Variants in TG observed in about 807,000 individuals in gnomAD.
TG encodes thyroglobulin, also known as thyroid hormones.
A neutral mutation model predicts 324.7 loss-of-function variants in TG; 270 were observed. That is an observed-to-expected ratio of 0.83 (90% CI 0.75 to 0.92). TG has a LOEUF of 0.92. Among genes scored for constraint, TG ranks in the 40% least tolerant of loss-of-function variants. The probability of loss-of-function intolerance (pLI) is 0.00; values close to 1 mark genes in which losing one functional copy is unlikely to be tolerated. For synonymous variants in TG, 1,401 were observed against 1,327.0 expected, an observed-to-expected ratio of 1.06 and a Z score of -1.21; for missense variants, 3,591 against 3,456.4, an observed-to-expected ratio of 1.04 and a Z score of -0.98.
At chr8:132,898,116 AG>A in intron 12 of TG, 52 bp from the exon 13 acceptor site, 1 of 1,513,654 alleles carries the variant, frequency 6.6e-7, no homozygotes, top group East Asian at 2.4e-5. Context: ...GGGACACTCC[AG>A]GGTAAGTCCC....
At chr8:133,065,321 AG>A (rs1842895469) in intron 41 of TG, among the ~76,000 whole-genome samples, 2 of 152,250 alleles carry the variant, frequency 1.3e-5, no homozygotes, top group African/African-American at 4.8e-5. Flanking sequence ...TTATACTGCT[AG>A]GAAGAGCTAA....
intron 46 of TG, 132 bp downstream of exon 46, chr8:133,132,078 C>T: frequency 7.3e-7 from 1 of 1,371,272 alleles, no homozygotes; most frequent in Non-Finnish European, 1.0e-6. Context: ...TCACCAGCCA[C>T]TGGCCTCCCT....
At chr8:132,904,657 G>C (rs963380511) in intron 16 of TG, among the ~76,000 whole-genome samples, 4 of 152,148 alleles carry the variant, frequency 2.6e-5, no homozygotes, top group African/African-American at 9.7e-5. Context: ...CAGTGTCCTA[G>C]GTGATGTTTG....
At chr8:133,039,852 T>C (rs1837830646) in intron 41 of TG, 3 of 1,372,068 alleles carry the variant, frequency 2.2e-6, no homozygotes, top group Middle Eastern at 2.6e-4. Flanking sequence ...TGGGGGGTGC[T>C]CACCCCCCAG....
intron 45 of TG, among the ~76,000 whole-genome samples, chr8:133,124,974 G>T (rs1426534221): frequency 1.3e-5 from 2 of 152,192 alleles, no homozygotes; most frequent in Non-Finnish European, 2.9e-5. Flanking sequence ...GAATCCATCA[G>T]CCTGGCTACA....
At chr8:133,058,287 G>T (rs547373247) in intron 41 of TG, among the ~76,000 whole-genome samples, 6 of 152,296 alleles carry the variant, frequency 3.9e-5, no homozygotes, top group African/African-American at 1.4e-4. Context: ...TGATGTGGTT[G>T]CCTGGATCAC....
At position 132,908,071 on chromosome 8, in the gene TG, T is replaced by C. The variant is rs907730407; in HGVS notation, c.3848-115T>C. The C allele has an allele frequency of 4.2e-6, 5 of 1,192,512 alleles. No individual in the cohort carries two copies. The African/African-American group carries it at 7.3e-5, about 17-fold the overall frequency. 73.9% of individuals were successfully genotyped at this position (1,192,512 alleles called of 1,614,324 possible). On this transcript the variant is annotated intron_variant, in intron 17 of 47. Transcript: ENST00000220616. ...TCAGAATGACAATGCAAAATGGCAG[T>C]GCTTATGTGTTTTGAGCTCAATGAG...
chr8:132,882,923 A>T lies in TG; in HGVS notation c.999A>T (p.Glu333Asp), dbSNP rs1429634337. 1.9e-6 allele frequency: 3 copies of T among 1,614,206 alleles called. No homozygotes were observed. The highest frequency in any genetic ancestry group is 2.5e-6 in the Non-Finnish European group (3 of 1,180,028). The part of the protein sequence containing the change: ...GDYQAVQCQT[E>D]GPCWCVDAQG... ...ATCAGGCGGTGCAGTGCCAGACGGA[A>T]GGGCCCTGCTGGTGTGTGGACGCCC... The change falls in exon 8 of 48, where the codon GAA becomes GAT. Residue 333 changes from glutamate to aspartate, a missense_variant. Physicochemically the swap from Glu to Asp is conservative, Grantham distance 45. Coordinates refer to ENST00000220616, the MANE Select transcript of TG (RefSeq NM_003235.5).
At chr8:133,017,746 TCCTCA>T in intron 37 of TG, 27 bp from the exon 38 acceptor site, 1 of 1,605,390 alleles carries the variant, frequency 6.2e-7, no homozygotes, top group Non-Finnish European at 8.5e-7. Context: ...CCTCTCCCCT[TCCTCA>T]CCCCTTTCTC....
At chr8:133,030,427 A>G (rs1480673732) in intron 41 of TG, among the ~76,000 whole-genome samples, 1 of 152,146 alleles carries the variant, frequency 6.6e-6, no homozygotes, top group Non-Finnish European at 1.5e-5. Flanking sequence ...GAGGAGGATG[A>G]TGGTGGTAAT....
chr8:133,105,843 G>A (rs896236259), intron 43 of TG, among the ~76,000 whole-genome samples: 2 of 152,206 alleles, frequency 1.3e-5, no homozygotes, highest in Non-Finnish European at 2.9e-5. Flanking sequence ...TGACTGGGAG[G>A]AGGAGATGGA....
rs373751930 is a variant in TG, at chr8:133,131,896, G to A, written c.7947G>A (p.Lys2649=). Residue 2649 remains lysine, a synonymous_variant, in exon 46 of 48, where the codon AAG becomes AAA. Coordinates refer to ENST00000220616, the MANE Select transcript of TG (RefSeq NM_003235.5). Reference sequence around the variant, plus strand: ...AGGGGCAGTTTTCTCTGGAGGAGAAGAGCCTGTCGCTGAAAATCATGCAGT... The same window carrying A: ...AGGGGCAGTTTTCTCTGGAGGAGAAAAGCCTGTCGCTGAAAATCATGCAGT... ...AYEGQFSLEE[K]SLSLKIMQYF... The A allele has an allele frequency of 6.2e-6, 10 of 1,614,066 alleles. No homozygotes were observed. In the African/African-American group the frequency reaches 9.3e-5, roughly 15 times the overall value.
chr8:133,081,337 A>G (rs948962568), intron 41 of TG, among the ~76,000 whole-genome samples: 3 of 152,260 alleles, frequency 2.0e-5, no homozygotes, highest in African/African-American at 7.2e-5. Flanking sequence ...GAATTAAAGT[A>G]AATAAATTGT....
intron 32 of TG, among the ~76,000 whole-genome samples, chr8:132,970,716 G>A (rs570759212): frequency 7.9e-5 from 12 of 152,284 alleles, no homozygotes; most frequent in South Asian, 4.1e-4. Context: ...GCCTGACCGC[G>A]GAGCTGTGAT....
intron 11 of TG, among the ~76,000 whole-genome samples, chr8:132,894,418 G>A (rs1245224748): frequency 6.6e-6 from 1 of 151,988 alleles, no homozygotes; most frequent in African/African-American, 2.4e-5. Flanking sequence ...TAAGCTCAGG[G>A]AGCCTGCAGT....
intron 40 of TG, among the ~76,000 whole-genome samples, chr8:133,025,744 G>T (rs997690673): frequency 1.3e-5 from 2 of 152,092 alleles, no homozygotes; most frequent in African/African-American, 4.8e-5. Flanking sequence ...CCTTTTTCCA[G>T]TTTAAGTCAT....
At chr8:132,913,886 G>A (rs1367669401) in intron 20 of TG, among the ~76,000 whole-genome samples, 1 of 152,182 alleles carries the variant, frequency 6.6e-6, no homozygotes, top group Non-Finnish European at 1.5e-5. Flanking sequence ...GGCTAAAACT[G>A]AGCTGTTGGC....
chr8:132,912,815 AG>A (rs1293040705), intron 19 of TG, among the ~76,000 whole-genome samples: 1 of 152,184 alleles, frequency 6.6e-6, no homozygotes, highest in African/African-American at 2.4e-5. Flanking sequence ...AAATGGCAAG[AG>A]CCAGGAAATC....
chr8:132,966,422 G>T lies in TG; in HGVS notation c.5549-138G>T, dbSNP rs1262810326. ...CTCTGGTTTCACACAGCATAAAAAT[G>T]TCTCTGTCTCTATCTCTGACACTTT... On this transcript the variant is annotated intron_variant, in intron 29 of 47. Coordinates refer to ENST00000220616, the MANE Select transcript of TG (RefSeq NM_003235.5). 5 of 1,133,476 alleles carry T rather than the reference G, an allele frequency of 4.4e-6. No homozygotes were observed. The Admixed American group carries it at 5.9e-5, about 13-fold the overall frequency. 70.2% of individuals were successfully genotyped at this position (1,133,476 alleles called of 1,614,324 possible).
Sources: gnomAD v4.1 joint callset for allele counts (sites outside exome capture counted in the v4.1 genomes callset) on GRCh38, gnomAD v4.1.1 for gene constraint, MANE v1.5 for transcripts, NCBI Gene and HGNC (gene_info 2026-07-23, HGNC 2026-07-21) for gene names.